The following RECK variants were observed in gnomAD, a reference collection of about 807,000 sequenced individuals.
RECK encodes reversion inducing cysteine rich protein with kazal motifs, also known as reversion-inducing cysteine-rich protein with Kazal motifs.
RECK carries 69 observed loss-of-function variants against 115.1 expected under a neutral mutation model. The observed-to-expected ratio is 0.60, with a 90% confidence interval of 0.49 to 0.73. The LOEUF is 0.73. RECK is among the 30% of genes least tolerant of loss of function. The probability of loss-of-function intolerance (pLI) is 0.00; values close to 1 mark genes in which losing one functional copy is unlikely to be tolerated. For missense variants in RECK, 1,047 were observed against 1,203.7 expected (o/e 0.87, Z 1.93); for synonymous variants, 414 against 419.7 (o/e 0.99, Z 0.17).
At chr9:36,071,752 TTAAAC>T (rs1188619017) in intron 6 of RECK, among the ~76,000 whole-genome samples, 1 of 152,208 alleles carries the variant, frequency 6.6e-6, no homozygotes, top group Non-Finnish European at 1.5e-5. Flanking sequence ...CAGTTAAGTT[TTAAAC>T]TAAACAGTTG....
chr9:36,112,640 G>A (rs1290965313), intron 16 of RECK, among the ~76,000 whole-genome samples, 164 bp downstream of exon 16: 2 of 152,218 alleles, frequency 1.3e-5, no homozygotes, highest in African/African-American at 4.8e-5. Flanking sequence ...TGCTTGATAA[G>A]GTGCTGCGAT....
chr9:36,110,789 A>C (rs1210565315), intron 15 of RECK, among the ~76,000 whole-genome samples: 1 of 138,250 alleles, frequency 7.2e-6, no homozygotes, highest in East Asian at 2.6e-4. Context: ...TTAGTATTAC[A>C]TGTGGAGAGG....
chr9:36,097,691 G>A (rs1387542006), intron 10 of RECK, among the ~76,000 whole-genome samples: 6 of 152,122 alleles, frequency 3.9e-5, no homozygotes, highest in Admixed American at 3.9e-4. Context: ...CATATCTAAA[G>A]GAAAGGAAAT....
chr9:36,087,839 G>A lies in RECK; in HGVS notation c.783G>A (p.Trp261Ter). The A allele has an allele frequency of 6.2e-7, 1 of 1,613,984 alleles. No individual in the cohort carries two copies. The highest frequency in any genetic ancestry group is 8.5e-7 in the Non-Finnish European group (1 of 1,179,940). The change falls in exon 9 of 21, where the codon TGG becomes TGA. Residue 261 changes from tryptophan (W) to a stop codon, truncating the protein, a stop_gained. Transcript: ENST00000377966. LOFTEE classifies it high-confidence loss of function. ...AGCCCTTGCCTCAAGATCCTCTTTGGCAATGTTTTCTTGAAAGCTCACAAT... is the reference window on the plus strand; with the variant it reads ...AGCCCTTGCCTCAAGATCCTCTTTGACAATGTTTTCTTGAAAGCTCACAAT... ...KTQPLPQDPLWQCFLESSQSV... is the reference protein window; with the variant it reads ...KTQPLPQDPL
intron 10 of RECK, 78 bp downstream of exon 10, chr9:36,091,421 T>A: frequency 3.7e-6 from 4 of 1,091,456 alleles, no homozygotes; most frequent in Non-Finnish European, 3.8e-6. Flanking sequence ...TTTATTCTGA[T>A]TTTATTCCTG....
intron 15 of RECK, 98 bp from the exon 16 acceptor site, chr9:36,112,207 G>T: frequency 9.9e-7 from 1 of 1,010,108 alleles, no homozygotes; most frequent in Non-Finnish European, 1.5e-6. Context: ...TTTAACGTGA[G>T]ACCTTCACAT....
intron 1 of RECK, among the ~76,000 whole-genome samples, chr9:36,040,471 C>CA (rs1820830359): frequency 6.6e-6 from 1 of 152,090 alleles, no homozygotes. Flanking sequence ...TAGTGACCAA[C>CA]AGAGTATGCT....
At position 36,073,213 on chromosome 9, in the gene RECK, AACACACAGAC is replaced by A. The variant is rs879338865; in HGVS notation, c.406-7364_406-7355del. Among the ~76,000 whole-genome samples the A allele has an allele frequency of 5.6e-3, 796 of 141,820 alleles. 7 individuals are homozygous for A. The highest frequency in any genetic ancestry group is 0.021 in the Middle Eastern group (6 of 282). 93.0% of individuals were successfully genotyped at this position (141,820 alleles called of 152,430 possible). A position where few individuals can be genotyped will look rare whatever the true frequency, so the allele number is the denominator to read the frequency against. On this transcript the variant is annotated intron_variant, in intron 6 of 20. Transcript: ENST00000377966. Reference sequence around the variant, plus strand: ...TCCCTCCCTTCCACCCCTAAACAGCAACACACAGACACACACAGACACACACAGACACACA... The same window carrying A: ...TCCCTCCCTTCCACCCCTAAACAGCAACACACAGACACACACAGACACACA...
At chr9:36,045,110 A>C (rs1821021304) in intron 1 of RECK, among the ~76,000 whole-genome samples, 1 of 152,244 alleles carries the variant, frequency 6.6e-6, no homozygotes, top group Admixed American at 6.5e-5. Context: ...ATACATACAT[A>C]CAGATAGATA....
At chr9:36,056,856 C>A in intron 2 of RECK, 2 of 394,412 alleles carry the variant, frequency 5.1e-6, no homozygotes, top group Non-Finnish European at 6.9e-6. Context: ...TGCATTAATT[C>A]ACTAGGCGTT....
At chr9:36,084,492 C>T (rs1365062273) in intron 8 of RECK, among the ~76,000 whole-genome samples, 3 of 152,026 alleles carry the variant, frequency 2.0e-5, no homozygotes, top group Non-Finnish European at 1.5e-5. Context: ...GTCAGGAGTT[C>T]AAGAACAACC....
chr9:36,107,393 G>A (rs541409105), intron 13 of RECK, among the ~76,000 whole-genome samples: 1 of 152,026 alleles, frequency 6.6e-6, no homozygotes, highest in South Asian at 2.1e-4. Context: ...TTTGAGACCA[G>A]CCTGGCCAAT....
chr9:36,116,666 C>G (rs1483927499), intron 16 of RECK, among the ~76,000 whole-genome samples: 1 of 152,222 alleles, frequency 6.6e-6, no homozygotes, highest in African/African-American at 2.4e-5. Context: ...CATGGCTGCT[C>G]TCTCAGCCTG....
At chr9:36,085,156 C>A in intron 8 of RECK, 1 of 204,842 alleles carries the variant, frequency 4.9e-6, no homozygotes. Context: ...AATTGTTTCA[C>A]TTTATATATT....
At position 36,100,323 on chromosome 9, in the gene RECK, C is replaced by T; in HGVS notation, c.1086-8C>T. 6 of 1,606,796 alleles carry T rather than the reference C, an allele frequency of 3.7e-6. No individual in the cohort carries two copies. Among genetic ancestry groups the T allele is most frequent in the South Asian group, 1.1e-5 (1 of 89,878 alleles). ...CTCTTGATTCTTTCTGGCCTTTTTT[C>T]TCTTTAGGCCAACAGAACTTTTCAG... On this transcript the variant is annotated splice_polypyrimidine_tract_variant and splice_region_variant and intron_variant, in intron 10 of 20. Coordinates refer to ENST00000377966, the MANE Select transcript of RECK (RefSeq NM_021111.3).
At chr9:36,073,304 TTTTCTTGCA>T (rs1468165251) in intron 6 of RECK, among the ~76,000 whole-genome samples, 1 of 149,970 alleles carries the variant, frequency 6.7e-6, no homozygotes, top group Non-Finnish European at 1.5e-5. Flanking sequence ...AACTTATGAT[TTTTCTTGCA>T]TTTCTTGTTT....
At chr9:36,038,813 C>CAA (rs398039899) in intron 1 of RECK, among the ~76,000 whole-genome samples, 1,539 of 141,624 alleles carry the variant, frequency 0.011, 28 homozygotes, top group African/African-American at 0.035. Flanking sequence ...AAACAAACAA[C>CAA]AAAAAAAAAA....
intron 1 of RECK, among the ~76,000 whole-genome samples, chr9:36,043,614 T>G (rs1820969565): frequency 6.6e-6 from 1 of 152,164 alleles, no homozygotes; most frequent in South Asian, 2.1e-4. Context: ...TCTAGGTGGG[T>G]TTTTCCGATG....
chr9:36,051,039 T>G (rs991293515), intron 1 of RECK, among the ~76,000 whole-genome samples: 3 of 152,202 alleles, frequency 2.0e-5, no homozygotes, highest in African/African-American at 7.2e-5. Context: ...TATATACATA[T>G]ATAGTTTAAT....
Sources: gnomAD v4.1 joint callset for allele counts (sites outside exome capture counted in the v4.1 genomes callset) on GRCh38, gnomAD v4.1.1 for gene constraint, MANE v1.5 for transcripts, NCBI Gene and HGNC (gene_info 2026-07-23, HGNC 2026-07-21) for gene names.